Variants in SLC16A10 observed in about 807,000 individuals in gnomAD.
SLC16A10 encodes the protein solute carrier family 16 member 10.
A neutral mutation model predicts 40.0 loss-of-function variants in SLC16A10; 27 were observed. That is an observed-to-expected ratio of 0.67 (90% confidence interval 0.50 to 0.93). The LOEUF is 0.93. Among genes scored for constraint, SLC16A10 ranks in the 40% least tolerant of loss-of-function variants. SLC16A10 has a pLI of 0.00. For synonymous variants in SLC16A10, 213 were observed against 249.8 expected (o/e 0.85, Z 1.39); for missense variants, 529 against 658.2 (o/e 0.80, Z 2.15).
intron 3 of SLC16A10, among the ~76,000 whole-genome samples, chr6:111,183,445 A>G (rs1383882490): frequency 6.6e-6 from 1 of 152,256 alleles, no homozygotes; most frequent in East Asian, 1.9e-4. Context: ...GATCCCAAGC[A>G]TCTAGCGCAG....
In SLC16A10 at chr6:111,137,870, A is replaced by G. The variant is rs186294605; in HGVS notation, c.344-34825A>G. ...GTAGCTCACACCCGACCAATGAGGT[A>G]GTAAAGAGAGCTCACTAAAATGCTA... On this transcript the variant is annotated intron_variant, in intron 1 of 5. Coordinates refer to ENST00000368851, the MANE Select transcript of SLC16A10 (RefSeq NM_018593.5). Among the ~76,000 whole-genome samples, 389 of 152,358 alleles carry G rather than the reference A, an allele frequency of 2.6e-3. 2 individuals are homozygous for G. Among genetic ancestry groups the G allele is most frequent in the African/African-American group, 8.8e-3 (368 of 41,586 alleles).
intron 3 of SLC16A10, among the ~76,000 whole-genome samples, chr6:111,204,720 A>G (rs1773227202): frequency 6.6e-6 from 1 of 152,202 alleles, no homozygotes; most frequent in Admixed American, 6.5e-5. Flanking sequence ...TGGATCACAC[A>G]GTGTCCTAAA....
At chr6:111,100,976 CTCTCTCTCTCTCTCTCTATATA>C (rs1422610916) in intron 1 of SLC16A10, among the ~76,000 whole-genome samples, 3 of 122,990 alleles carry the variant, frequency 2.4e-5, no homozygotes, top group Admixed American at 1.7e-4. Context: ...CTCTCTCTCT[CTCTCTCTCTCTCTCTCTATATA>C]TATATATATA....
intron 3 of SLC16A10, among the ~76,000 whole-genome samples, chr6:111,196,094 T>C (rs538027226): frequency 6.6e-6 from 1 of 152,238 alleles, no homozygotes; most frequent in South Asian, 2.1e-4. Context: ...TCCAGCACTT[T>C]GGGAGGCTGA....
chr6:111,210,448 A>C (rs976577988), intron 4 of SLC16A10, among the ~76,000 whole-genome samples: 6 of 152,204 alleles, frequency 3.9e-5, no homozygotes, highest in African/African-American at 1.4e-4. Context: ...TTTGTTCTCT[A>C]GTGTCAAGGG....
At chr6:111,126,971 A>G (rs1771686535) in intron 1 of SLC16A10, among the ~76,000 whole-genome samples, 1 of 152,218 alleles carries the variant, frequency 6.6e-6, no homozygotes, top group Non-Finnish European at 1.5e-5. Flanking sequence ...AAAAACCGCA[A>G]TTACTTTTGC....
intron 3 of SLC16A10, among the ~76,000 whole-genome samples, chr6:111,205,359 G>A (rs1773237494): frequency 6.6e-6 from 1 of 152,172 alleles, no homozygotes; most frequent in Non-Finnish European, 1.5e-5. Flanking sequence ...TCAGACCAAT[G>A]TGTGGTGTGG....
At chr6:111,178,546 A>G in intron 3 of SLC16A10, 1 of 377,606 alleles carries the variant, frequency 2.6e-6, no homozygotes, top group East Asian at 8.2e-5. Context: ...CTTCATCCCT[A>G]CCTGGGGAAG....
intron 5 of SLC16A10, among the ~76,000 whole-genome samples, chr6:111,220,611 G>C (rs1770871019): frequency 6.6e-6 from 1 of 152,196 alleles, no homozygotes; most frequent in African/African-American, 2.4e-5. Context: ...AAGTTCAAAA[G>C]GTCATGGTCT....
chr6:111,107,549 A>G (rs73528976), intron 1 of SLC16A10, among the ~76,000 whole-genome samples: 1,859 of 152,246 alleles, frequency 0.012, 26 homozygotes, highest in African/African-American at 0.043. Flanking sequence ...TTTCAAGGAA[A>G]AAATTAATCT....
intron 4 of SLC16A10, among the ~76,000 whole-genome samples, chr6:111,216,417 T>C (rs1218969315): frequency 6.6e-6 from 1 of 152,038 alleles, no homozygotes; most frequent in East Asian, 1.9e-4. Flanking sequence ...TTTTCTTTTT[T>C]TTTTGAGAGG....
At chr6:111,185,401 G>A (rs970223938) in intron 3 of SLC16A10, among the ~76,000 whole-genome samples, 3 of 152,194 alleles carry the variant, frequency 2.0e-5, no homozygotes, top group African/African-American at 7.2e-5. Flanking sequence ...ACGAAGAACA[G>A]AGGCCATGTT....
In SLC16A10 at chr6:111,136,382, G is replaced by T. The variant is rs1771878278; in HGVS notation, c.344-36313G>T. ...GCCTCATTGTTTACGGGTAGTGGCG[G>T]CAGTAGCAGTCTTAGTATCTGAAGC... is the stretch of plus-strand genomic sequence containing the variant. On this transcript the variant is annotated intron_variant, in intron 1 of 5. Transcript: ENST00000368851. Among the ~76,000 whole-genome samples, 2 of 152,360 alleles carry T rather than the reference G, an allele frequency of 1.3e-5. 1 individual carries two copies. The highest frequency in any genetic ancestry group is 4.1e-4 in the South Asian group (2 of 4,832).
intron 1 of SLC16A10, among the ~76,000 whole-genome samples, chr6:111,134,795 C>T (rs1295844108): frequency 6.6e-6 from 1 of 152,192 alleles, no homozygotes; most frequent in Non-Finnish European, 1.5e-5. Flanking sequence ...TCCTCTGAGT[C>T]AGAAGCCACT....
At chr6:111,217,606 C>G (rs1056086073) in intron 4 of SLC16A10, among the ~76,000 whole-genome samples, 2 of 152,144 alleles carry the variant, frequency 1.3e-5, no homozygotes, top group African/African-American at 4.8e-5. Context: ...CCGGCCACCA[C>G]GCCCGGCTAA....
intron 3 of SLC16A10, among the ~76,000 whole-genome samples, chr6:111,178,925 G>A (rs1364574294): frequency 1.3e-5 from 2 of 152,178 alleles, no homozygotes; most frequent in Non-Finnish European, 2.9e-5. Context: ...TGTTGTGACA[G>A]GATTAACTTT....
Position 111,206,724 on chromosome 6 carries a change from G to T in SLC16A10, c.1075G>T (p.Val359Phe). The change falls in exon 4 of 6, where the codon GTT (valine) becomes TTT (phenylalanine). Residue 359 changes from valine to phenylalanine, a missense_variant. Transcript: ENST00000368851. ...IADYVPGVKKVYLQVLSFFFI... is the reference protein window; with the variant it reads ...IADYVPGVKKFYLQVLSFFFI... ...AGATTATGTGCCTGGTGTGAAGAAG[G>T]TTTATCTACAGGTACTTTTTTACAC... 6.2e-7 allele frequency: 1 copy of T among 1,613,672 alleles called. No individual in the cohort carries two copies. Among genetic ancestry groups the T allele is most frequent in the South Asian group, 1.1e-5 (1 of 90,862 alleles).
At position 111,226,047 on chromosome 6, in the gene SLC16A10, C is replaced by A. The variant is rs12660339; in HGVS notation, c.*3812C>A. ...CTTTCTCTCAGCCTTCGACTTAGTT[C>A]TAATGATCTACATTGAATTTAAATT... On this transcript the variant is annotated 3_prime_UTR_variant, in exon 6 of 6. Transcript: ENST00000368851. 6.6e-6 allele frequency: 1 copy of A among 152,014 alleles called. No homozygotes were observed. Among genetic ancestry groups the A allele is most frequent in the African/African-American group, 2.4e-5 (1 of 41,384 alleles). 9.4% of individuals were successfully genotyped at this position (152,014 alleles called of 1,614,324 possible). A position where few individuals can be genotyped will look rare whatever the true frequency, so the allele number is the denominator to read the frequency against.
chr6:111,130,977 G>T lies in SLC16A10; in HGVS notation c.344-41718G>T, dbSNP rs546126688. On this transcript the variant is annotated intron_variant, in intron 1 of 5. Coordinates refer to ENST00000368851, the MANE Select transcript of SLC16A10 (RefSeq NM_018593.5). ...CATAGGGTAGGTATGAGGATTAAATGAGTGAGTATTTGTAAAACACTTAAA... is the reference window on the plus strand; with the variant it reads ...CATAGGGTAGGTATGAGGATTAAATTAGTGAGTATTTGTAAAACACTTAAA... 3.2e-3 allele frequency among the ~76,000 whole-genome samples: 483 copies of T among 152,340 alleles called. 1 individual carries two copies. Among genetic ancestry groups the T allele is most frequent in the African/African-American group, 0.011 (461 of 41,570 alleles).
Sources: gnomAD v4.1 joint callset for allele counts (sites outside exome capture counted in the v4.1 genomes callset) on GRCh38, gnomAD v4.1.1 for gene constraint, MANE v1.5 for transcripts, NCBI Gene and HGNC (gene_info 2026-07-23, HGNC 2026-07-21) for gene names.